Variants in NTN5 observed in about 807,000 individuals in gnomAD.
NTN5 encodes the protein netrin 5.
A neutral mutation model predicts 38.7 loss-of-function variants in NTN5; 42 were observed. The ratio of observed to expected loss-of-function variants is 1.08; its 90% CI spans 0.85 to 1.40. The LOEUF (loss-of-function observed/expected upper bound fraction) is 1.40, where lower values mean the gene tolerates loss of function less well. Ranked by LOEUF, NTN5 falls within the 40% of genes most tolerant of loss-of-function variation. The pLI is 0.00. For missense variants in NTN5, 658 were observed against 716.5 expected, an observed-to-expected ratio of 0.92 and a Z score of 0.93; for synonymous variants, 329 against 303.9, an observed-to-expected ratio of 1.08 and a Z score of -0.86.
Position 48,664,256 on chromosome 19 carries a change from G to C in NTN5, c.857C>G (p.Thr286Ser), listed in dbSNP as rs756973738. The C allele has an allele frequency of 1.2e-6, 2 of 1,613,104 alleles. No homozygotes were observed. Among genetic ancestry groups the C allele is most frequent in the Non-Finnish European group, 1.7e-6 (2 of 1,179,628 alleles). Residue 286 changes from threonine to serine, a missense_variant, in exon 4 of 7, where the codon ACC becomes AGC. Physicochemically the swap from Thr to Ser is moderately conservative, Grantham distance 58. Coordinates refer to ENST00000270235, the MANE Select transcript of NTN5 (RefSeq NM_145807.4). ...QCHPIGATGG[T>S]CNQTSGQCTC... is the part of the protein sequence containing the mutation. Reference sequence around the variant, plus strand: ...GCACTGCCCACTGGTCTGGTTGCAGGTTCCTCCTGTTGCCCCAATAGGGTG... The same window carrying C: ...GCACTGCCCACTGGTCTGGTTGCAGCTTCCTCCTGTTGCCCCAATAGGGTG...
At position 48,661,985 on chromosome 19, in the gene NTN5, C is replaced by T; in HGVS notation, c.1162G>A (p.Ala388Thr). The change falls in exon 7 of 7, where the codon GCC becomes ACC. Residue 388 changes from alanine (A) to threonine (T), a missense_variant. Physicochemically the swap from Ala to Thr is moderately conservative, Grantham distance 58. Transcript: ENST00000270235. Reference sequence around the variant, plus strand: ...TTGTAAACGGCCAGCACGCGCACGGCCAGCCGCTGCCATGCCGGGCCCGCC... The same window carrying T: ...TTGTAAACGGCCAGCACGCGCACGGTCAGCCGCTGCCATGCCGGGCCCGCC... ...EAAGPAWQRL[A>T]VRVLAVYKQR... 2 of 1,483,828 alleles carry T rather than the reference C, an allele frequency of 1.3e-6. No homozygotes were observed. The highest frequency in any genetic ancestry group is 1.8e-6 in the Non-Finnish European group (2 of 1,124,338). 91.9% of individuals were successfully genotyped at this position (1,483,828 alleles called of 1,614,324 possible).
Position 48,663,825 on chromosome 19 carries a change from A to G in NTN5, c.971-11T>C. On this transcript the variant is annotated splice_polypyrimidine_tract_variant and intron_variant, in intron 4 of 6. Coordinates refer to ENST00000270235, the MANE Select transcript of NTN5 (RefSeq NM_145807.4). ...TTGCCTCTGGAATTCCTGTGAGACC[A>G]AAGGAGAAATTAACCTCTTAGTCAT... is the stretch of plus-strand genomic sequence containing the variant. 6.2e-7 allele frequency: 1 copy of G among 1,613,532 alleles called. No homozygotes were observed. The highest frequency in any genetic ancestry group is 8.5e-7 in the Non-Finnish European group (1 of 1,179,432).
chr19:48,663,472 G>T lies in NTN5; in HGVS notation c.1096C>A (p.Gln366Lys). ...TCTCCCCAGCACTCACCATGGTCCT[G>T]CTGGCAGTACCTCCGAAGGCTCATG... ...VHMSLRRYCQ[Q>K]DHVLRAQVLA... Residue 366 changes from glutamine to lysine, a missense_variant, in exon 6 of 7, where the codon CAG becomes AAG. By Grantham distance (53) the Gln-to-Lys change is moderately conservative. Transcript: ENST00000270235. 6.2e-7 allele frequency: 1 copy of T among 1,614,050 alleles called. No homozygotes were observed. The highest frequency in any genetic ancestry group is 8.5e-7 in the Non-Finnish European group (1 of 1,179,872).
intron 4 of NTN5, 98 bp downstream of exon 4, chr19:48,664,045 T>C: frequency 7.1e-7 from 1 of 1,418,014 alleles, no homozygotes; most frequent in Non-Finnish European, 9.4e-7. Flanking sequence ...GGCTCCCAAT[T>C]CCCAAGGCCC....
Position 48,663,019 on chromosome 19 carries a change from T to C in NTN5, c.1105+444A>G, listed in dbSNP as rs539232929. 43 of 352,730 alleles carry C rather than the reference T, an allele frequency of 1.2e-4. 1 individual carries two copies. Among genetic ancestry groups the C allele is most frequent in the South Asian group, 9.3e-4 (43 of 46,232 alleles). The allele number at this position is 352,730 out of a possible 1,614,324, so 21.9% of individuals were successfully genotyped here. On this transcript the variant is annotated intron_variant, in intron 6 of 6. Coordinates refer to ENST00000270235, the MANE Select transcript of NTN5 (RefSeq NM_145807.4). ...TAGCCTGAGGTCATAGACCCCAAGG[T>C]CATGGAGCAGGTGTGGACTGGGGAT...
At chr19:48,665,326 C>T (rs1315331426) in intron 2 of NTN5, among the ~76,000 whole-genome samples, 1 of 151,298 alleles carries the variant, frequency 6.6e-6, no homozygotes, top group African/African-American at 2.4e-5. Flanking sequence ...GTCCCAGCTA[C>T]TCGGGAGGCT....
intron 2 of NTN5, 35 bp downstream of exon 2, chr19:48,670,321 G>T: frequency 7.2e-7 from 1 of 1,383,478 alleles, no homozygotes; most frequent in Non-Finnish European, 9.4e-7. Context: ...TGGCAGGCAG[G>T]CAAAGGCAGG....
chr19:48,664,697 C>T lies in NTN5; in HGVS notation c.702G>A (p.Arg234=). 1 of 1,605,854 alleles carries T rather than the reference C, an allele frequency of 6.2e-7. No homozygotes were observed. The highest frequency in any genetic ancestry group is 8.5e-7 in the Non-Finnish European group (1 of 1,176,468). The change falls in exon 3 of 7, where the codon CGG becomes CGA. Residue 234 remains arginine, a synonymous_variant. Coordinates refer to ENST00000270235, the MANE Select transcript of NTN5 (RefSeq NM_145807.4). ...NSELFRLSGG[R]SGGVCERCRH... ...GGCACCGCTCACAAACACCCCCACT[C>T]CGGCCGCCCGACAGTCTGAACAGCT...
chr19:48,666,037 G>A (rs2031696420), intron 2 of NTN5, among the ~76,000 whole-genome samples: 1 of 152,248 alleles, frequency 6.6e-6, no homozygotes, highest in Non-Finnish European at 1.5e-5. Flanking sequence ...GTACTTGGCT[G>A]TCTAGCATTC....
At chr19:48,666,710 G>C in intron 2 of NTN5, among the ~76,000 whole-genome samples, 1 of 113,640 alleles carries the variant, frequency 8.8e-6, no homozygotes, top group African/African-American at 3.4e-5. Flanking sequence ...TTTTGAGACA[G>C]GGTCTCACTC....
At position 48,670,432 on chromosome 19, in the gene NTN5, C is replaced by A; in HGVS notation, c.555G>T (p.Gly185=). 6.8e-7 allele frequency: 1 copy of A among 1,460,698 alleles called. No individual in the cohort carries two copies. The highest frequency in any genetic ancestry group is 9.0e-7 in the Non-Finnish European group (1 of 1,108,030). The allele number at this position is 1,460,698 out of a possible 1,614,324, so 90.5% of individuals were successfully genotyped here. ...CHCRHHTTGP[G]CESCRPSHRD... ...GATGGGACGGGCGGCAGCTCTCGCA[C>A]CCCGGGCCAGTGGTATGGTGGCGGC... is the stretch of plus-strand genomic sequence containing the variant. Residue 185 remains glycine, a synonymous_variant, in exon 2 of 7, where the codon GGG becomes GGT. Transcript: ENST00000270235.
At chr19:48,668,947 C>G (rs942822263) in intron 2 of NTN5, among the ~76,000 whole-genome samples, 4 of 150,786 alleles carry the variant, frequency 2.7e-5, no homozygotes, top group Non-Finnish European at 5.9e-5. Flanking sequence ...ATCACCACCA[C>G]CATCATCATC....
At chr19:48,663,924 C>A in intron 4 of NTN5, 110 bp from the exon 5 acceptor site, 1 of 1,223,146 alleles carries the variant, frequency 8.2e-7, no homozygotes, top group South Asian at 1.3e-5. Flanking sequence ...TCCTTTAGGA[C>A]TCAAGAGTGC....
chr19:48,663,674 T>G, intron 5 of NTN5, 87 bp downstream of exon 5: 1 of 1,510,388 alleles, frequency 6.6e-7, no homozygotes, highest in Non-Finnish European at 9.2e-7. Context: ...GCTCAATGGG[T>G]GACCCATGTA....
chr19:48,669,763 C>T (rs1360321964), intron 2 of NTN5, among the ~76,000 whole-genome samples: 2,106 of 89,382 alleles, frequency 0.024, no homozygotes, highest in South Asian at 0.06. Flanking sequence ...ACCATCGTCA[C>T]CACTACCATC....
intron 2 of NTN5, 56 bp from the exon 3 acceptor site, chr19:48,664,823 C>G: frequency 2.1e-6 from 3 of 1,416,182 alleles, no homozygotes; most frequent in East Asian, 5.6e-5. Context: ...CTCCCCAGTC[C>G]TCAGCTTTCT....
chr19:48,670,059 C>T (rs1379389647), intron 2 of NTN5, among the ~76,000 whole-genome samples: 1 of 151,280 alleles, frequency 6.6e-6, no homozygotes, highest in African/African-American at 2.4e-5. Flanking sequence ...ATCACCACCA[C>T]CATCACCACC....
At chr19:48,672,864 G>A in intron 1 of NTN5, 68 bp downstream of exon 1, 1 of 190,642 alleles carries the variant, frequency 5.2e-6, no homozygotes. Flanking sequence ...TGGGACCCAG[G>A]CTTCCTTTCC....
At position 48,661,773 on chromosome 19, in the gene NTN5, G is replaced by A; in HGVS notation, c.1374C>T (p.Arg458=). The change falls in exon 7 of 7, where the codon CGC becomes CGT. Residue 458 remains arginine, a synonymous_variant. Transcript: ENST00000270235. ...RHGLALPWRP[R]WARPLKRLQQ... is the part of the protein sequence containing the mutation. Reference sequence around the variant, plus strand: ...GCAGCCGCTTCAGGGGCCGGGCCCAGCGCGGCCTCCATGGCAGCGCGAGGC... The same window carrying A: ...GCAGCCGCTTCAGGGGCCGGGCCCAACGCGGCCTCCATGGCAGCGCGAGGC... 2.7e-6 allele frequency: 4 copies of A among 1,456,404 alleles called. No homozygotes were observed. In the South Asian group the frequency reaches 4.1e-5, roughly 15 times the overall value. 90.2% of individuals were successfully genotyped at this position (1,456,404 alleles called of 1,614,324 possible).
Sources: allele counts gnomAD v4.1 joint callset (sites outside exome capture counted in the v4.1 genomes callset), GRCh38; gene constraint gnomAD v4.1.1; transcripts MANE v1.5; gene names NCBI Gene and HGNC (gene_info 2026-07-23, HGNC 2026-07-21).